Variants in PDZD2 observed in about 807,000 individuals in gnomAD.
The protein encoded by PDZD2 is PDZ domain containing 2.
In PDZD2, 90 loss-of-function variants were observed where a neutral mutation model predicts 220.7. That is an observed-to-expected ratio of 0.41 (90% CI 0.34 to 0.49). PDZD2 has a LOEUF of 0.49. Ranked by LOEUF, PDZD2 falls within the 20% of genes least tolerant of loss-of-function variation. The pLI, the probability that PDZD2 is intolerant of heterozygous loss-of-function variation, is 0.28. For synonymous variants in PDZD2, 1,375 were observed against 1,450.5 expected, an observed-to-expected ratio of 0.95 and a Z score of 1.18; for missense variants, 3,174 against 3,608.5, an observed-to-expected ratio of 0.88 and a Z score of 3.08.
At chr5:31,696,568 G>A (rs1196524897) in intron 1 of PDZD2, among the ~76,000 whole-genome samples, 1 of 152,152 alleles carries the variant, frequency 6.6e-6, no homozygotes, top group Non-Finnish European at 1.5e-5. Flanking sequence ...CTCCCAAAGT[G>A]TTGGGATTAC....
At chr5:32,064,880 A>C (rs1005910273) in intron 14 of PDZD2, among the ~76,000 whole-genome samples, 1 of 152,162 alleles carries the variant, frequency 6.6e-6, no homozygotes, top group African/African-American at 2.4e-5. Context: ...TGGCACGAGA[A>C]TCACTTGAAC....
At chr5:31,907,942 G>A (rs996461257) in intron 2 of PDZD2, among the ~76,000 whole-genome samples, 4 of 151,946 alleles carry the variant, frequency 2.6e-5, no homozygotes, top group African/African-American at 9.7e-5. Context: ...AATTAGCCAG[G>A]CATGGTGGTG....
chr5:31,680,921 G>C (rs1320431423), intron 1 of PDZD2, among the ~76,000 whole-genome samples: 1 of 152,056 alleles, frequency 6.6e-6, no homozygotes, highest in Non-Finnish European at 1.5e-5. Flanking sequence ...TTCCCTATAC[G>C]GCCTTGCCCC....
intron 1 of PDZD2, among the ~76,000 whole-genome samples, chr5:31,777,149 G>A (rs7709548): frequency 0.22 from 33,940 of 151,952 alleles, 4,828 homozygotes; most frequent in Middle Eastern, 0.33. Flanking sequence ...CGCTCGCGGG[G>A]CAGCGTGAGT....
At chr5:31,750,273 C>T (rs956159148) in intron 1 of PDZD2, among the ~76,000 whole-genome samples, 1 of 152,158 alleles carries the variant, frequency 6.6e-6, no homozygotes, top group Non-Finnish European at 1.5e-5. Flanking sequence ...CCTTTGGAGC[C>T]CATTGTGTCC....
chr5:31,680,019 C>T (rs776004688), intron 1 of PDZD2, among the ~76,000 whole-genome samples: 7 of 152,216 alleles, frequency 4.6e-5, no homozygotes, highest in Non-Finnish European at 8.8e-5. Flanking sequence ...GGTTTAAATG[C>T]ATCTTCTAGA....
intron 8 of PDZD2, among the ~76,000 whole-genome samples, chr5:32,050,004 G>C (rs543041806): frequency 6.6e-6 from 1 of 152,258 alleles, no homozygotes; most frequent in South Asian, 2.1e-4. Flanking sequence ...TGCGACCTTG[G>C]CTCACTGCAA....
intron 6 of PDZD2, among the ~76,000 whole-genome samples, chr5:32,027,132 G>T (rs1019836804): frequency 6.6e-6 from 1 of 152,092 alleles, no homozygotes; most frequent in African/African-American, 2.4e-5. Context: ...TTGAACTCCT[G>T]ACCTCAGGTG....
intron 5 of PDZD2, among the ~76,000 whole-genome samples, chr5:32,002,279 C>G (rs1049756047): frequency 5.9e-5 from 9 of 152,078 alleles, no homozygotes; most frequent in African/African-American, 1.2e-4. Flanking sequence ...TGGAGGTAGG[C>G]GTTGAGACCA....
chr5:31,749,821 T>G (rs1196239770), intron 1 of PDZD2, among the ~76,000 whole-genome samples: 1 of 152,116 alleles, frequency 6.6e-6, no homozygotes, highest in East Asian at 1.9e-4. Context: ...GCTTTTCCCA[T>G]CCCACAGGAC....
intron 2 of PDZD2, among the ~76,000 whole-genome samples, chr5:31,891,112 G>A (rs1365984836): frequency 6.8e-6 from 1 of 147,800 alleles, no homozygotes; most frequent in Non-Finnish European, 1.5e-5. Context: ...TGTAAGCAAA[G>A]CTCAGGGGTT....
At chr5:31,904,694 A>G (rs781356931) in intron 2 of PDZD2, among the ~76,000 whole-genome samples, 1 of 151,634 alleles carries the variant, frequency 6.6e-6, no homozygotes, top group Non-Finnish European at 1.5e-5. Flanking sequence ...CACCCAGCTA[A>G]TTTTTTTGTA....
intron 17 of PDZD2, among the ~76,000 whole-genome samples, chr5:32,073,569 G>A (rs945550140): frequency 7.4e-5 from 11 of 148,856 alleles, no homozygotes; most frequent in Non-Finnish European, 5.9e-5. Flanking sequence ...AACAGCACAC[G>A]TTTGAGTTAA....
chr5:31,947,617 T>C (rs73066483), intron 2 of PDZD2, among the ~76,000 whole-genome samples: 1,762 of 152,310 alleles, frequency 0.012, 32 homozygotes, highest in African/African-American at 0.04. Context: ...GTTAGATTGC[T>C]TGAGCCCAGG....
chr5:31,740,834 T>C (rs1355813844), intron 1 of PDZD2, among the ~76,000 whole-genome samples: 1 of 152,236 alleles, frequency 6.6e-6, no homozygotes, highest in Admixed American at 6.5e-5. Context: ...AGTTATCTAT[T>C]TGTAAACTGC....
At chr5:31,978,714 C>CAAAAAAA (rs10632600) in intron 2 of PDZD2, among the ~76,000 whole-genome samples, 79 of 128,016 alleles carry the variant, frequency 6.2e-4, no homozygotes, top group African/African-American at 2.0e-3. Context: ...GACTCCATCT[C>CAAAAAAA]AAAAAAAAAA....
intron 6 of PDZD2, among the ~76,000 whole-genome samples, chr5:32,024,843 C>T (rs1005344891): frequency 3.3e-5 from 5 of 152,220 alleles, no homozygotes; most frequent in Non-Finnish European, 5.9e-5. Context: ...TTTGTTTCAA[C>T]TGCTCACCTC....
At position 31,783,740 on chromosome 5, in the gene PDZD2, T is replaced by G. The variant is rs138637689; in HGVS notation, c.-360-15149T>G. Among the ~76,000 whole-genome samples the G allele has an allele frequency of 3.3e-5, 5 of 152,252 alleles. 1 individual carries two copies. In the East Asian group the frequency reaches 5.8e-4, roughly 18 times the overall value. Reference sequence around the variant, plus strand: ...CTCTGAGGCCTCAGCAATGGAAACATTAGACTCCTGTCCTAAATGTACCCA... The same window carrying G: ...CTCTGAGGCCTCAGCAATGGAAACAGTAGACTCCTGTCCTAAATGTACCCA... On this transcript the variant is annotated intron_variant, in intron 1 of 24. Transcript: ENST00000438447.
At chr5:31,965,742 A>C (rs1748683204) in intron 2 of PDZD2, among the ~76,000 whole-genome samples, 2 of 152,064 alleles carry the variant, frequency 1.3e-5, no homozygotes, top group African/African-American at 2.4e-5. Flanking sequence ...TAAAAAATAC[A>C]AAAAATTAGC....
Sources: allele counts gnomAD v4.1 joint callset (sites outside exome capture counted in the v4.1 genomes callset), GRCh38; gene constraint gnomAD v4.1.1; transcripts MANE v1.5; gene names NCBI Gene and HGNC (gene_info 2026-07-23, HGNC 2026-07-21).